The following SAMD5 variants were observed in gnomAD, a reference collection of about 807,000 sequenced individuals.
The protein encoded by SAMD5 is sterile alpha motif domain containing 5.
In SAMD5, 13 loss-of-function variants were observed where a neutral mutation model predicts 11.3. The observed-to-expected ratio is 1.15, with a 90% confidence interval of 0.75 to 1.83. The LOEUF (loss-of-function observed/expected upper bound fraction) is 1.83. SAMD5 is among the 40% of genes most tolerant of loss of function. The pLI is 0.00. For synonymous variants in SAMD5, 129 were observed against 111.3 expected (o/e 1.16, Z -1.00); for missense variants, 255 against 239.1 (o/e 1.07, Z -0.44).
At chr6:147,864,006 G>T in the SAMD5 span, among the ~76,000 whole-genome samples, 2 of 151,776 alleles carry the variant, frequency 1.3e-5, no homozygotes, top group Non-Finnish European at 2.9e-5. Flanking sequence ...ACCAGACCTG[G>T]CTAATTTTTG....
At chr6:147,751,940 C>G in the SAMD5 span, among the ~76,000 whole-genome samples, 3 of 151,920 alleles carry the variant, frequency 2.0e-5, no homozygotes, top group Admixed American at 1.3e-4. Context: ...ATAGTAATAA[C>G]TAGTAATAGA....
the SAMD5 span, among the ~76,000 whole-genome samples, chr6:147,747,925 A>T: frequency 6.6e-6 from 1 of 152,178 alleles, no homozygotes; most frequent in Non-Finnish European, 1.5e-5. Context: ...CAAAAACCAA[A>T]GGAATCATGC....
chr6:147,704,586 G>A (rs1054009805), intron 1 of SAMD5, among the ~76,000 whole-genome samples: 15 of 152,254 alleles, frequency 9.9e-5, no homozygotes, highest in Middle Eastern at 3.4e-3. Context: ...AGGTAGTGGG[G>A]GTGTGGAGTG....
intron 1 of SAMD5, among the ~76,000 whole-genome samples, chr6:147,708,283 G>A (rs1044631721): frequency 1.3e-5 from 2 of 152,082 alleles, no homozygotes; most frequent in African/African-American, 4.8e-5. Context: ...GGAAAAAGAC[G>A]GCCATCCGCG....
intron 1 of SAMD5, among the ~76,000 whole-genome samples, chr6:147,587,100 T>G (rs1463465381): frequency 6.6e-6 from 1 of 152,196 alleles, no homozygotes; most frequent in Non-Finnish European, 1.5e-5. Context: ...GTTTACTTGT[T>G]TAATTCATAT....
the SAMD5 span, among the ~76,000 whole-genome samples, chr6:147,798,487 A>G: frequency 2.7e-5 from 4 of 148,480 alleles, no homozygotes; most frequent in Non-Finnish European, 5.9e-5. Context: ...TTTACTTCCA[A>G]GTATGTGGTC....
chr6:147,953,014 C>T, the SAMD5 span, among the ~76,000 whole-genome samples: 3 of 152,034 alleles, frequency 2.0e-5, no homozygotes, highest in Middle Eastern at 3.4e-3. Flanking sequence ...TTTTCTCCTT[C>T]CTTCATATAG....
At chr6:147,753,549 T>C in the SAMD5 span, among the ~76,000 whole-genome samples, 1 of 152,150 alleles carries the variant, frequency 6.6e-6, no homozygotes, top group South Asian at 2.1e-4. Context: ...TATTTATCCT[T>C]TGAGTTACAA....
At chr6:147,619,100 C>T (rs888786043) in intron 1 of SAMD5, among the ~76,000 whole-genome samples, 5 of 152,180 alleles carry the variant, frequency 3.3e-5, no homozygotes, top group African/African-American at 9.7e-5. Flanking sequence ...CTTTCCTGCT[C>T]TTGTGAAAAG....
At chr6:147,913,029 A>G in the SAMD5 span, among the ~76,000 whole-genome samples, 4 of 152,150 alleles carry the variant, frequency 2.6e-5, no homozygotes, top group African/African-American at 4.8e-5. Context: ...TACAGTTTTC[A>G]CATTAGGAAG....
At chr6:147,547,160 G>C (rs1226569754) in intron 1 of SAMD5, among the ~76,000 whole-genome samples, 3 of 152,134 alleles carry the variant, frequency 2.0e-5, no homozygotes, top group Admixed American at 1.3e-4. Flanking sequence ...AGAACACCTC[G>C]GTTGATAAAT....
chr6:147,656,945 ATTCATTG>A (rs1302913963), intron 1 of SAMD5, among the ~76,000 whole-genome samples: 2 of 142,816 alleles, frequency 1.4e-5, no homozygotes, highest in Admixed American at 1.5e-4. Flanking sequence ...TCCATAAGGT[ATTCATTG>A]TTCATTGAAG....
chr6:147,709,399 G>A (rs1791367427), intron 1 of SAMD5, among the ~76,000 whole-genome samples: 1 of 152,126 alleles, frequency 6.6e-6, no homozygotes, highest in African/African-American at 2.4e-5. Context: ...ATGTAGGTGG[G>A]GGAGTTTTAT....
At chr6:147,534,744 T>C (rs574486497) in intron 1 of SAMD5, among the ~76,000 whole-genome samples, 2 of 152,262 alleles carry the variant, frequency 1.3e-5, no homozygotes, top group East Asian at 1.9e-4. Flanking sequence ...AGGCAAAATA[T>C]CTCAAGCACT....
intron 1 of SAMD5, among the ~76,000 whole-genome samples, chr6:147,651,500 A>T (rs920307952): frequency 5.9e-5 from 9 of 152,158 alleles, no homozygotes; most frequent in African/African-American, 2.2e-4. Flanking sequence ...TGATTAGGTC[A>T]TGAGGGAAGT....
At chr6:147,581,247 T>A (rs1444351851) in intron 1 of SAMD5, among the ~76,000 whole-genome samples, 1 of 152,186 alleles carries the variant, frequency 6.6e-6, no homozygotes, top group Non-Finnish European at 1.5e-5. Context: ...AGAGAAAGAA[T>A]ACATTTGTAG....
the SAMD5 span, among the ~76,000 whole-genome samples, chr6:147,836,180 C>T: frequency 6.6e-6 from 1 of 152,296 alleles, no homozygotes; most frequent in Non-Finnish European, 1.5e-5. Flanking sequence ...TAAGCTGATT[C>T]CTTTAGCCAC....
intron 1 of SAMD5, among the ~76,000 whole-genome samples, chr6:147,612,124 C>T (rs1159426777): frequency 6.6e-6 from 1 of 152,096 alleles, no homozygotes; most frequent in African/African-American, 2.4e-5. Context: ...AGTTGCTGTC[C>T]AGTGAATAGG....
At chr6:147,637,384 A>T (rs1265570247) in intron 1 of SAMD5, among the ~76,000 whole-genome samples, 3 of 152,158 alleles carry the variant, frequency 2.0e-5, no homozygotes, top group African/African-American at 7.2e-5. Context: ...ATCTCTCTGA[A>T]CCTCAGCTTT....
Sources: allele counts gnomAD v4.1 joint callset (sites outside exome capture counted in the v4.1 genomes callset), GRCh38; gene constraint gnomAD v4.1.1; transcripts MANE v1.5; gene names NCBI Gene and HGNC (gene_info 2026-07-23, HGNC 2026-07-21).